CTNNA2: variants seen among roughly 807,000 people sequenced by gnomAD.
CTNNA2 encodes catenin alpha-2.
In CTNNA2, 42 loss-of-function variants were observed where a neutral mutation model predicts 101.0. The ratio of observed to expected loss-of-function variants is 0.42; its 90% CI spans 0.32 to 0.54. The LOEUF is 0.54. Among genes scored for constraint, CTNNA2 ranks in the 20% least tolerant of loss-of-function variants. CTNNA2 has a pLI of 0.14. For synonymous variants in CTNNA2, 450 were observed against 456.4 expected (o/e 0.99, Z 0.18); for missense variants, 871 against 1,223.1 (o/e 0.71, Z 4.29).
At chr2:80,584,415 AG>A (rs952048765) in intron 14 of CTNNA2, among the ~76,000 whole-genome samples, 38 of 87,110 alleles carry the variant, frequency 4.4e-4, no homozygotes, top group Admixed American at 1.5e-4. Flanking sequence ...CAACATTCTG[AG>A]GGAGAGGAGA....
chr2:79,375,360 G>A (rs1033385686), intron 4 of CTNNA2, among the ~76,000 whole-genome samples: 1 of 152,088 alleles, frequency 6.6e-6, no homozygotes, highest in East Asian at 1.9e-4. Flanking sequence ...ATTTCTGACC[G>A]TGCCTGGCAT....
chr2:79,191,460 A>C (rs10178923), intron 1 of CTNNA2, among the ~76,000 whole-genome samples: 69,022 of 152,040 alleles, frequency 0.45, 18,915 homozygotes, highest in African/African-American at 0.77. Flanking sequence ...GTCATACAGA[A>C]CCCAGCCCTG....
rs1358073772 is a variant in CTNNA2, at chr2:80,306,395, TTTTCTTTTCTTTCTTTC to T, written c.1057-86808_1057-86792del. 1.5e-3 allele frequency among the ~76,000 whole-genome samples: 205 copies of T among 135,194 alleles called. 2 individuals are homozygous for T. Among genetic ancestry groups the T allele is most frequent in the African/African-American group, 5.5e-3 (176 of 31,836 alleles). The allele number at this position is 135,194 out of a possible 152,430, so 88.7% of individuals were successfully genotyped here. Reference sequence around the variant, plus strand: ...TCTTTCTTTCTTTTCTTTTCTTTTCTTTTCTTTTCTTTCTTTCTTTCTTTCTTTCTTTCTTTCTTTCT... The same window carrying T: ...TCTTTCTTTCTTTTCTTTTCTTTTCTTTTCTTTCTTTCTTTCTTTCTTTCT... On this transcript the variant is annotated intron_variant, in intron 7 of 18. Transcript: ENST00000402739.
At chr2:79,915,330 CAT>C (rs1244114403) in intron 7 of CTNNA2, among the ~76,000 whole-genome samples, 16 of 137,952 alleles carry the variant, frequency 1.2e-4, no homozygotes, top group East Asian at 7.3e-4. Context: ...CACACACACA[CAT>C]TACACTTTGC....
At chr2:79,437,296 A>G (rs35490405) in intron 4 of CTNNA2, among the ~76,000 whole-genome samples, 45,292 of 151,916 alleles carry the variant, frequency 0.3, 6,981 homozygotes, top group South Asian at 0.44. Context: ...TATTCTTAAG[A>G]AGAACTTCTC....
intron 9 of CTNNA2, among the ~76,000 whole-genome samples, chr2:80,439,280 C>G (rs1682337901): frequency 6.6e-6 from 1 of 152,158 alleles, no homozygotes; most frequent in Non-Finnish European, 1.5e-5. Flanking sequence ...CTCACTTCCC[C>G]TGCTGCATTT....
chr2:80,405,015 A>G (rs1678934622), intron 8 of CTNNA2, among the ~76,000 whole-genome samples: 1 of 152,200 alleles, frequency 6.6e-6, no homozygotes, highest in Non-Finnish European at 1.5e-5. Context: ...TTCACCAACA[A>G]TTGCCTTGCC....
At chr2:80,613,570 T>A (rs892349781) in intron 17 of CTNNA2, among the ~76,000 whole-genome samples, 4 of 151,320 alleles carry the variant, frequency 2.6e-5, no homozygotes, top group African/African-American at 9.7e-5. Flanking sequence ...AAGTGACTCT[T>A]CAGTTACATT....
At chr2:80,013,391 T>C (rs1048595933) in intron 7 of CTNNA2, among the ~76,000 whole-genome samples, 5 of 152,212 alleles carry the variant, frequency 3.3e-5, no homozygotes, top group African/African-American at 1.2e-4. Context: ...AGAGGAGTTA[T>C]ACTGCAAAAC....
chr2:79,655,472 G>A (rs372457590), intron 2 of CTNNA2, among the ~76,000 whole-genome samples: 3 of 152,120 alleles, frequency 2.0e-5, no homozygotes, highest in East Asian at 1.9e-4. Context: ...TAAAATTTAT[G>A]TACTTATATT....
intron 3 of CTNNA2, among the ~76,000 whole-genome samples, chr2:79,850,378 CCT>C (rs1248110142): frequency 7.4e-6 from 1 of 134,334 alleles, no homozygotes; most frequent in East Asian, 2.7e-4. Flanking sequence ...TGCCTCCCTC[CCT>C]CTGTTTGTTT....
At chr2:79,576,701 C>G (rs1675822902) in intron 1 of CTNNA2, among the ~76,000 whole-genome samples, 1 of 152,098 alleles carries the variant, frequency 6.6e-6, no homozygotes, top group Non-Finnish European at 1.5e-5. Flanking sequence ...CCTGTAACTT[C>G]ACTCTACATT....
chr2:80,279,185 A>G (rs1674169197), intron 7 of CTNNA2, among the ~76,000 whole-genome samples: 1 of 151,826 alleles, frequency 6.6e-6, no homozygotes, highest in Admixed American at 6.6e-5. Flanking sequence ...GAGGCAAGAG[A>G]CCTTGATAGC....
intron 7 of CTNNA2, among the ~76,000 whole-genome samples, chr2:80,206,641 C>T (rs935761457): frequency 3.9e-5 from 6 of 152,124 alleles, no homozygotes; most frequent in Admixed American, 3.9e-4. Context: ...ATCTGTGTTA[C>T]CTGCATCTTG....
intron 7 of CTNNA2, among the ~76,000 whole-genome samples, chr2:80,271,540 G>C (rs1433474601): frequency 6.6e-6 from 1 of 151,698 alleles, no homozygotes; most frequent in African/African-American, 2.4e-5. Flanking sequence ...TCCTGCCTCA[G>C]CCTCCCGAGT....
chr2:79,481,891 A>G (rs1431519489), intron 4 of CTNNA2, among the ~76,000 whole-genome samples: 1 of 152,114 alleles, frequency 6.6e-6, no homozygotes, highest in Non-Finnish European at 1.5e-5. Context: ...CAAGGAGGAG[A>G]AGCAACTGAA....
intron 7 of CTNNA2, among the ~76,000 whole-genome samples, chr2:80,223,004 C>T (rs778396012): frequency 7.2e-5 from 11 of 152,162 alleles, no homozygotes; most frequent in South Asian, 6.2e-4. Flanking sequence ...GATTTGTATT[C>T]GGGAAAATCT....
intron 7 of CTNNA2, among the ~76,000 whole-genome samples, chr2:80,092,564 A>G (rs1699853310): frequency 1.3e-5 from 2 of 152,124 alleles, no homozygotes; most frequent in Admixed American, 6.6e-5. Flanking sequence ...TGAGAAAAGA[A>G]CTGTTAAGAG....
At chr2:80,584,256 G>A (rs573671903) in intron 14 of CTNNA2, among the ~76,000 whole-genome samples, 3 of 152,218 alleles carry the variant, frequency 2.0e-5, no homozygotes, top group East Asian at 3.9e-4. Context: ...TTTAGAGAAA[G>A]TCTCCCTTTC....
Sources: gnomAD v4.1 joint callset for allele counts (sites outside exome capture counted in the v4.1 genomes callset) on GRCh38, gnomAD v4.1.1 for gene constraint, MANE v1.5 for transcripts, NCBI Gene and HGNC (gene_info 2026-07-23, HGNC 2026-07-21) for gene names.